CASZ1: variants seen among roughly 807,000 people sequenced by gnomAD.
CASZ1 encodes zinc finger protein castor homolog 1.
Under a neutral mutation model 135.2 loss-of-function variants are expected in CASZ1, and 28 were observed. The observed-to-expected ratio is 0.21, with a 90% CI of 0.15 to 0.28. The LOEUF is 0.28. CASZ1 is among the 10% of genes least tolerant of loss of function. The probability of loss-of-function intolerance (pLI) is 1.00; values close to 1 mark genes in which losing one functional copy is unlikely to be tolerated. For missense variants in CASZ1, 2,161 were observed against 2,453.3 expected (o/e 0.88, Z 2.52); for synonymous variants, 1,068 against 1,073.4 (o/e 0.99, Z 0.10).
At chr1:10,681,403 T>C (rs961715047) in intron 4 of CASZ1, among the ~76,000 whole-genome samples, 20 of 152,036 alleles carry the variant, frequency 1.3e-4, no homozygotes, top group Non-Finnish European at 2.4e-4. Flanking sequence ...CGCCCGCCTC[T>C]CCCTGCCAGG....
Position 10,639,537 on chromosome 1 carries a change from C to T in CASZ1, c.4685G>A (p.Cys1562Tyr). 6.2e-7 allele frequency: 1 copy of T among 1,610,898 alleles called. No homozygotes were observed. The highest frequency in any genetic ancestry group is 8.5e-7 in the Non-Finnish European group (1 of 1,178,544). The change falls in exon 21 of 21, where the codon TGC becomes TAC. Residue 1562 changes from cysteine to tyrosine, a missense_variant. Physicochemically the swap from Cys to Tyr is radical, Grantham distance 194. Coordinates refer to ENST00000377022, the MANE Select transcript of CASZ1 (RefSeq NM_001079843.3). The surrounding 1 kb of genome is among the most constrained non-coding windows in gnomAD (Gnocchi z 4.0). ...SSSADCAVPD[C>Y]KYKLKCSHFH... ...GTGCGAGCACTTGAGCTTGTACTTGCAGTCGGGCACGGCGCAGTCGGCGCT... is the reference window on the plus strand; with the variant it reads ...GTGCGAGCACTTGAGCTTGTACTTGTAGTCGGGCACGGCGCAGTCGGCGCT...
At chr1:10,675,526 C>G (rs1643539478) in intron 4 of CASZ1, among the ~76,000 whole-genome samples, 1 of 152,090 alleles carries the variant, frequency 6.6e-6, no homozygotes, top group Admixed American at 6.5e-5. Flanking sequence ...TCAGGCACTT[C>G]CGGGAGCCCA....
rs1231273879 is a variant in CASZ1, at chr1:10,774,228, T to A, written c.-233-13371A>T. Among the ~76,000 whole-genome samples the A allele has an allele frequency of 6.6e-6, 1 of 152,094 alleles. No homozygotes were observed. The highest frequency in any genetic ancestry group is 2.4e-5 in the African/African-American group (1 of 41,422). On this transcript the variant is annotated intron_variant, in intron 1 of 20. Coordinates refer to ENST00000377022, the MANE Select transcript of CASZ1 (RefSeq NM_001079843.3). The surrounding 1 kb of genome is among the most constrained non-coding windows in gnomAD (Gnocchi z 4.4). ...CCTCCCACCTGACACCGTCGCTAAA[T>A]CCTTGGATACACACGGTATATCTCC...
intron 1 of CASZ1, among the ~76,000 whole-genome samples, chr1:10,790,512 A>G (rs1640937048): frequency 6.6e-6 from 1 of 152,204 alleles, no homozygotes; most frequent in African/African-American, 2.4e-5. Flanking sequence ...TACGGGCTCA[A>G]TTACAACTCC....
At chr1:10,749,442 T>C (rs543261725) in intron 2 of CASZ1, among the ~76,000 whole-genome samples, 15 of 152,034 alleles carry the variant, frequency 9.9e-5, no homozygotes, top group Non-Finnish European at 2.1e-4. Flanking sequence ...AGAGATGGGG[T>C]TTCACCATGT....
At chr1:10,641,489 G>A (rs1010781383) in intron 20 of CASZ1, among the ~76,000 whole-genome samples, 2 of 152,244 alleles carry the variant, frequency 1.3e-5, no homozygotes, top group Admixed American at 1.3e-4. Flanking sequence ...GGGGTGGGAT[G>A]GGAGGTGCCT....
Position 10,767,080 on chromosome 1 carries a change from C to A in CASZ1, c.-233-6223G>T, listed in dbSNP as rs572051928. 2.0e-5 allele frequency among the ~76,000 whole-genome samples: 3 copies of A among 152,186 alleles called. No individual in the cohort carries two copies. The highest frequency in any genetic ancestry group is 4.4e-5 in the Non-Finnish European group (3 of 68,052). On this transcript the variant is annotated intron_variant, in intron 1 of 20. Transcript: ENST00000377022. This position sits in a 1 kb window ranked among gnomAD's most constrained non-coding sequence, Gnocchi z 4.2. ...TCAGAAGGAAAACAGAAATCCTCTG[C>A]GCCCGTTGACTGCTGATGGAAGGAA...
At chr1:10,714,668 C>A (rs1639346360) in intron 2 of CASZ1, among the ~76,000 whole-genome samples, 1 of 152,232 alleles carries the variant, frequency 6.6e-6, no homozygotes, top group Non-Finnish European at 1.5e-5. Flanking sequence ...AGCGCTCTGA[C>A]AGAATTAAGC....
In CASZ1 at chr1:10,767,310, A is replaced by T. The variant is rs1640494163; in HGVS notation, c.-233-6453T>A. 6.6e-6 allele frequency among the ~76,000 whole-genome samples: 1 copy of T among 152,218 alleles called. No individual in the cohort carries two copies. Among genetic ancestry groups the T allele is most frequent in the African/African-American group, 2.4e-5 (1 of 41,454 alleles). The stretch of plus-strand genomic sequence containing the variant: ...ATCTCCAGAATCAGGAAGTCCCTGG[A>T]GGGCAGGCAGCAGAGCTGGGGCCCC... On this transcript the variant is annotated intron_variant, in intron 1 of 20. Transcript: ENST00000377022. This position sits in a 1 kb window ranked among gnomAD's most constrained non-coding sequence, Gnocchi z 4.2.
chr1:10,727,286 C>T lies in CASZ1; in HGVS notation c.-76-21742G>A, dbSNP rs989403593. Among the ~76,000 whole-genome samples the T allele has an allele frequency of 6.6e-6, 1 of 152,092 alleles. No homozygotes were observed. The highest frequency in any genetic ancestry group is 2.4e-5 in the African/African-American group (1 of 41,398). On this transcript the variant is annotated intron_variant, in intron 2 of 20. Transcript: ENST00000377022. This position sits in a 1 kb window ranked among gnomAD's most constrained non-coding sequence, Gnocchi z 5.3. ...CCATAAGGCACCTGCTGTTTGAGCC[C>T]AGCCCCAGCCCCCACTCCAGGTCAT...
In CASZ1 at chr1:10,665,473, T is replaced by G; in HGVS notation, c.115A>C (p.Ser39Arg). The change falls in exon 5 of 21, where the codon AGC becomes CGC. Residue 39 changes from serine to arginine, a missense_variant. By Grantham distance (110) the Ser-to-Arg change is moderately radical (BLOSUM62 -1). Coordinates refer to ENST00000377022, the MANE Select transcript of CASZ1 (RefSeq NM_001079843.3). ...CGCTTCTCCACCACCACCTGGCGGC[T>G]CAGCTTGGCGCAGATGGCGTTCAGC... The part of the protein sequence containing the change: ...LKLNAICAKL[S>R]RQVVVEKRAD... 3 of 1,609,012 alleles carry G rather than the reference T, an allele frequency of 1.9e-6. No individual in the cohort carries two copies. Among genetic ancestry groups the G allele is most frequent in the Non-Finnish European group, 2.5e-6 (3 of 1,179,756 alleles).
intron 4 of CASZ1, among the ~76,000 whole-genome samples, chr1:10,692,368 C>T (rs1366692784): frequency 6.6e-6 from 1 of 152,166 alleles, no homozygotes; most frequent in Non-Finnish European, 1.5e-5. Flanking sequence ...CCAGGCCCAT[C>T]TCTGAGGTCT....
At position 10,694,036 on chromosome 1, in the gene CASZ1, G is replaced by T; in HGVS notation, c.-23-124C>A. On this transcript the variant is annotated intron_variant, in intron 3 of 20. Coordinates refer to ENST00000377022, the MANE Select transcript of CASZ1 (RefSeq NM_001079843.3). This position sits in a 1 kb window ranked among gnomAD's most constrained non-coding sequence, Gnocchi z 6.6. ...CAGGAGCGGCCCGTCCCGGGCGGGC[G>T]CCGAGGCCGCGGCGGAGAAACTTTC... 1.2e-6 allele frequency: 1 copy of T among 817,446 alleles called. No homozygotes were observed. Among genetic ancestry groups the T allele is most frequent in the Non-Finnish European group, 1.8e-6 (1 of 551,290 alleles). The allele number at this position is 817,446 out of a possible 1,614,324, so 50.6% of individuals were successfully genotyped here.
At position 10,659,949 on chromosome 1, in the gene CASZ1, A is replaced by G. The variant is rs1461306373; in HGVS notation, c.1093T>C (p.Phe365Leu). 2.5e-6 allele frequency: 4 copies of G among 1,612,760 alleles called. No homozygotes were observed. The highest frequency in any genetic ancestry group is 3.4e-6 in the Non-Finnish European group (4 of 1,179,958). Residue 365 changes from phenylalanine (F) to leucine (L), a missense_variant, in exon 6 of 21, where the codon TTC (phenylalanine) becomes CTC (leucine). Transcript: ENST00000377022. ...GGGCGCCCCACCTTGCCTGTCTTGA[A>G]GGCGATGGCCCCGCCCATGTCGGGG... is the stretch of plus-strand genomic sequence containing the variant. ...GSPDMGGAIA[F>L]KTGKVGRPSK...
rs367786191 is a variant in CASZ1 at position 10,721,859 on chromosome 1, G to A, written c.-76-16315C>T. Among the ~76,000 whole-genome samples, 140 of 152,350 alleles carry A rather than the reference G, an allele frequency of 9.2e-4. 3 individuals are homozygous for A. In the South Asian group the frequency reaches 0.028, roughly 30 times the overall value. On this transcript the variant is annotated intron_variant, in intron 2 of 20. Coordinates refer to ENST00000377022, the MANE Select transcript of CASZ1 (RefSeq NM_001079843.3). This position sits in a 1 kb window ranked among gnomAD's most constrained non-coding sequence, Gnocchi z 5.4. ...CCTGCCTGCTAGGAAGCAGAGGCGGGCCCATGCCGAGGGGAAGAAGAGGGG... is the reference window on the plus strand; with the variant it reads ...CCTGCCTGCTAGGAAGCAGAGGCGGACCCATGCCGAGGGGAAGAAGAGGGG...
In CASZ1 at chr1:10,686,397, G is replaced by C. The variant is rs74474991; in HGVS notation, c.16+7477C>G. On this transcript the variant is annotated intron_variant, in intron 4 of 20. Transcript: ENST00000377022. Reference sequence around the variant, plus strand: ...TGGAAACAGGTCACACACCAACTATGGGGCAGCCCTGGGGGGGCTTGTATC... The same window carrying C: ...TGGAAACAGGTCACACACCAACTATCGGGCAGCCCTGGGGGGGCTTGTATC... Among the ~76,000 whole-genome samples the C allele has an allele frequency of 2.7e-3, 415 of 152,332 alleles. 3 individuals are homozygous for C. The highest frequency in any genetic ancestry group is 9.4e-3 in the African/African-American group (390 of 41,578).
chr1:10,793,950 G>A (rs2100640481), intron 1 of CASZ1, among the ~76,000 whole-genome samples: 1 of 152,294 alleles, frequency 6.6e-6, no homozygotes, highest in South Asian at 2.1e-4. Flanking sequence ...CGCCCGGGAC[G>A]CACCGCCTGG....
At position 10,658,530 on chromosome 1, in the gene CASZ1, T is replaced by C. The variant is rs1314318043; in HGVS notation, c.1387A>G (p.Ile463Val). The C allele has an allele frequency of 3.1e-6, 5 of 1,614,022 alleles. No homozygotes were observed. Among genetic ancestry groups the C allele is most frequent in the Non-Finnish European group, 4.2e-6 (5 of 1,179,948 alleles). ...TACCTGGCAATATATTTCTGGTAAA[T>C]GTTTACATCTTCAGTGACGGCTGGT... The part of the protein sequence containing the change: ...DKPAVTEDVN[I>V]YQKYIARFSG... Residue 463 changes from isoleucine to valine, a missense_variant, in exon 7 of 21, where the codon ATT becomes GTT. Transcript: ENST00000377022.
Position 10,665,256 on chromosome 1 carries a change from C to T in CASZ1, c.332G>A (p.Arg111His), listed in dbSNP as rs370847238. ...APTPVLGRIA[R>H]EGLELPPEGV... is the part of the protein sequence containing the mutation. The stretch of plus-strand genomic sequence containing the variant: ...CTCGGGAGGCAGCTCCAGGCCCTCG[C>T]GGGCAATCCGCCCCAACACGGGTGT... Residue 111 changes from arginine to histidine, a missense_variant, in exon 5 of 21, where the codon CGC becomes CAC. Arg to His is a conservative substitution (Grantham distance 29). Transcript: ENST00000377022. 2.0e-5 allele frequency: 32 copies of T among 1,607,306 alleles called. No homozygotes were observed. The highest frequency in any genetic ancestry group is 6.7e-5 in the South Asian group (6 of 90,078).
Sources: allele counts gnomAD v4.1 joint callset (sites outside exome capture counted in the v4.1 genomes callset), GRCh38; gene constraint gnomAD v4.1.1; non-coding constraint Gnocchi (gnomAD v3.1); transcripts MANE v1.5; gene names NCBI Gene and HGNC (gene_info 2026-07-23, HGNC 2026-07-21).